Variants in SPOCK1 observed in about 807,000 individuals in gnomAD.
The protein encoded by SPOCK1 is SPARC (osteonectin), cwcv and kazal like domains proteoglycan 1, also known as testican-1.
A neutral mutation model predicts 55.3 loss-of-function variants in SPOCK1; 23 were observed. The observed-to-expected ratio is 0.42, with a 90% CI of 0.30 to 0.59. The LOEUF (loss-of-function observed/expected upper bound fraction) is 0.59. SPOCK1 is among the 20% of genes least tolerant of loss of function. The pLI, the probability that SPOCK1 is intolerant of heterozygous loss-of-function variation, is 0.22. For synonymous variants in SPOCK1, 226 were observed against 221.0 expected, an observed-to-expected ratio of 1.02 and a Z score of -0.20; for missense variants, 499 against 552.5, an observed-to-expected ratio of 0.90 and a Z score of 0.97.
chr5:137,253,578 A>G (rs2961628), intron 3 of SPOCK1, among the ~76,000 whole-genome samples: 10,254 of 152,232 alleles, frequency 0.067, 1,053 homozygotes, highest in African/African-American at 0.23. Flanking sequence ...CTCTGTCCTC[A>G]TCCAGTGTTC....
chr5:137,346,768 C>T (rs1205369423), intron 2 of SPOCK1, among the ~76,000 whole-genome samples: 1 of 152,178 alleles, frequency 6.6e-6, no homozygotes, highest in Admixed American at 6.5e-5. Context: ...TGTGCCAGGC[C>T]CAGTGTTAGA....
At chr5:137,076,776 C>T (rs1377398457) in intron 5 of SPOCK1, among the ~76,000 whole-genome samples, 1 of 152,146 alleles carries the variant, frequency 6.6e-6, no homozygotes, top group Non-Finnish European at 1.5e-5. Context: ...TGGGATATAT[C>T]TTATGTAACC....
intron 2 of SPOCK1, among the ~76,000 whole-genome samples, chr5:137,272,737 C>T (rs1454641687): frequency 1.7e-5 from 2 of 120,950 alleles, no homozygotes; most frequent in Non-Finnish European, 3.4e-5. Context: ...CACCCCCACC[C>T]CCCCACCCCC....
intron 2 of SPOCK1, among the ~76,000 whole-genome samples, chr5:137,404,032 T>C (rs1320735821): frequency 6.6e-6 from 1 of 152,144 alleles, no homozygotes; most frequent in Non-Finnish European, 1.5e-5. Context: ...GATGTTTGTG[T>C]CAATCCCGAC....
chr5:137,044,456 C>T (rs996542850), intron 6 of SPOCK1, among the ~76,000 whole-genome samples: 3 of 152,158 alleles, frequency 2.0e-5, no homozygotes, highest in African/African-American at 7.2e-5. Flanking sequence ...TAAGAATAAT[C>T]TGAGTTCAAA....
chr5:137,233,713 C>CTTTTTTTTTTTTTTTTTTT (rs56328555), intron 3 of SPOCK1, among the ~76,000 whole-genome samples: 6 of 58,410 alleles, frequency 1.0e-4, no homozygotes, highest in Non-Finnish European at 1.4e-4. Flanking sequence ...AGGATATGCA[C>CTTTTTTTTTTTTTTTTTTT]TTTTTTTTTT....
intron 2 of SPOCK1, among the ~76,000 whole-genome samples, chr5:137,457,460 G>A (rs1161914065): frequency 6.6e-6 from 1 of 151,864 alleles, no homozygotes; most frequent in African/African-American, 2.4e-5. Flanking sequence ...TTTTCACCAC[G>A]CCAAGAATCA....
At chr5:137,394,219 T>C (rs566113137) in intron 2 of SPOCK1, among the ~76,000 whole-genome samples, 1 of 152,322 alleles carries the variant, frequency 6.6e-6, no homozygotes, top group African/African-American at 2.4e-5. Flanking sequence ...ATATTAAGAG[T>C]TGTACAGTTT....
chr5:137,232,440 G>A (rs2127094525), intron 3 of SPOCK1, among the ~76,000 whole-genome samples: 1 of 152,300 alleles, frequency 6.6e-6, no homozygotes, highest in East Asian at 1.9e-4. Flanking sequence ...TTATTGGAAA[G>A]GCTGTCTTTT....
chr5:137,343,272 G>A (rs1403842579), intron 2 of SPOCK1, among the ~76,000 whole-genome samples: 6 of 152,208 alleles, frequency 3.9e-5, no homozygotes, highest in Non-Finnish European at 5.9e-5. Context: ...GAGTTAGACT[G>A]AGGTCAAAAA....
chr5:137,390,349 C>T (rs1474209394), intron 2 of SPOCK1, among the ~76,000 whole-genome samples: 1 of 152,148 alleles, frequency 6.6e-6, no homozygotes. Flanking sequence ...CCTGAACAGC[C>T]TCCCAGCCTA....
intron 3 of SPOCK1, among the ~76,000 whole-genome samples, chr5:137,171,770 A>T (rs538936319): frequency 6.6e-6 from 1 of 152,350 alleles, no homozygotes; most frequent in East Asian, 1.9e-4. Flanking sequence ...CCCACAACTA[A>T]CAATTCCTAC....
intron 2 of SPOCK1, among the ~76,000 whole-genome samples, chr5:137,372,509 G>A (rs1751223553): frequency 6.6e-6 from 1 of 152,176 alleles, no homozygotes; most frequent in South Asian, 2.1e-4. Context: ...CGACCCCAGG[G>A]TAAGAAACAG....
At chr5:137,065,641 T>A (rs1752491146) in intron 6 of SPOCK1, among the ~76,000 whole-genome samples, 1 of 152,252 alleles carries the variant, frequency 6.6e-6, no homozygotes, top group African/African-American at 2.4e-5. Context: ...AGTTGTTTTA[T>A]AATATTGTTG....
intron 6 of SPOCK1, among the ~76,000 whole-genome samples, chr5:136,997,057 C>T (rs1751055743): frequency 6.6e-6 from 1 of 152,176 alleles, no homozygotes; most frequent in Non-Finnish European, 1.5e-5. Context: ...CAACTCCAGA[C>T]ACACTACTTC....
intron 4 of SPOCK1, among the ~76,000 whole-genome samples, chr5:137,139,518 T>C (rs938418336): frequency 1.1e-4 from 16 of 152,004 alleles, no homozygotes; most frequent in Middle Eastern, 3.4e-3. Flanking sequence ...CCATTCTGCA[T>C]GGTCCCAGCT....
chr5:137,400,146 A>G (rs1295150463), intron 2 of SPOCK1, among the ~76,000 whole-genome samples: 5 of 152,212 alleles, frequency 3.3e-5, no homozygotes, highest in Non-Finnish European at 7.3e-5. Context: ...CTCTGCAGTC[A>G]GTGTGTGCAT....
intron 2 of SPOCK1, among the ~76,000 whole-genome samples, chr5:137,392,645 G>T (rs1490068728): frequency 6.6e-6 from 1 of 152,180 alleles, no homozygotes; most frequent in Non-Finnish European, 1.5e-5. Context: ...TGTAAAAGGG[G>T]ATAATACGAG....
intron 5 of SPOCK1, among the ~76,000 whole-genome samples, chr5:137,081,274 T>C (rs1183618833): frequency 1.3e-5 from 2 of 152,202 alleles, no homozygotes; most frequent in Non-Finnish European, 1.5e-5. Flanking sequence ...CTACAGAGAC[T>C]TCACAGATCA....
Sources: allele counts gnomAD v4.1 joint callset (sites outside exome capture counted in the v4.1 genomes callset), GRCh38; gene constraint gnomAD v4.1.1; transcripts MANE v1.5; gene names NCBI Gene and HGNC (gene_info 2026-07-23, HGNC 2026-07-21).